Variants in PNPLA2 observed in about 807,000 individuals in gnomAD.
The protein encoded by PNPLA2 is patatin-like phospholipase domain-containing protein 2.
Under a neutral mutation model 39.7 loss-of-function variants are expected in PNPLA2, and 28 were observed. The ratio of observed to expected loss-of-function variants is 0.70; its 90% CI spans 0.52 to 0.97. PNPLA2 has a LOEUF of 0.97. Among genes scored for constraint, PNPLA2 ranks in the 50% least tolerant of loss-of-function variants. The pLI is 0.00. For missense variants in PNPLA2, 768 were observed against 698.2 expected (o/e 1.10, Z -1.13); for synonymous variants, 392 against 321.1 (o/e 1.22, Z -2.36).
rs755173977 is a variant in PNPLA2 at position 822,435 on chromosome 11, C to G, written c.525C>G (p.Leu175=). ...VDGGISDNLP[L]YELKNTITVS... ...GTGGCATTTCAGACAACCTGCCACT[C>G]TATGAGCTTAAGAACACCATCACAG... The change falls in exon 5 of 10, where the codon CTC becomes CTG. Residue 175 remains leucine, a synonymous_variant. Transcript: ENST00000336615. 2 of 1,613,994 alleles carry G rather than the reference C, an allele frequency of 1.2e-6. No individual in the cohort carries two copies. The highest frequency in any genetic ancestry group is 8.5e-7 in the Non-Finnish European group (1 of 1,180,026).
intron 2 of PNPLA2, 83 bp from the exon 3 acceptor site, chr11:821,545 A>T: frequency 1.0e-6 from 1 of 983,568 alleles, no homozygotes; most frequent in Non-Finnish European, 1.6e-6. Context: ...TATGCCATGG[A>T]ACCCTGGACA....
At chr11:821,894 G>A (rs147573735) in intron 3 of PNPLA2, 34 bp downstream of exon 3, 2 of 1,601,868 alleles carry the variant, frequency 1.2e-6, no homozygotes, top group Non-Finnish European at 1.7e-6. Flanking sequence ...GGGTGGCGGT[G>A]GGGGGGGCAG....
In PNPLA2 at chr11:825,177, T is replaced by C. The variant is rs764660190; in HGVS notation, c.*315T>C. Reference sequence around the variant, plus strand: ...GCTGAAATATGTGTGTGAAGAATTATTTATTTTCGCCAAAGCACATGTAAT... The same window carrying C: ...GCTGAAATATGTGTGTGAAGAATTACTTATTTTCGCCAAAGCACATGTAAT... On this transcript the variant is annotated 3_prime_UTR_variant, in exon 10 of 10. Transcript: ENST00000336615. 18 of 497,858 alleles carry C rather than the reference T, an allele frequency of 3.6e-5. No homozygotes were observed. Among genetic ancestry groups the C allele is most frequent in the Non-Finnish European group, 6.1e-5 (17 of 276,990 alleles). 30.8% of individuals were successfully genotyped at this position (497,858 alleles called of 1,614,324 possible).
Position 822,033 on chromosome 11 carries a change from C to T in PNPLA2, c.486+10C>T, listed in dbSNP as rs1167858885. ...CTCCCTCCAGGGGGTGGTGAGTATT[C>T]CTAGCCCTGGACACCTTCTATGGGG... On this transcript the variant is annotated intron_variant, in intron 4 of 9. Coordinates refer to ENST00000336615, the MANE Select transcript of PNPLA2 (RefSeq NM_020376.4). 3 of 1,612,646 alleles carry T rather than the reference C, an allele frequency of 1.9e-6. No homozygotes were observed. The highest frequency in any genetic ancestry group is 1.7e-6 in the Non-Finnish European group (2 of 1,179,116).
At position 823,738 on chromosome 11, in the gene PNPLA2, C is replaced by T. The variant is rs1215383316; in HGVS notation, c.802C>T (p.Arg268Cys). Residue 268 changes from arginine (R) to cysteine (C), a missense_variant, in exon 7 of 10, where the codon CGC becomes TGC. By Grantham distance (180) the Arg-to-Cys change is radical (BLOSUM62 -3). Transcript: ENST00000336615. ...PNPLLALPPA[R>C]PHGPEDKDQA... Reference sequence around the variant, plus strand: ...CCCCTTGCTGGCGTTGCCCCCCGCCCGCCCCCACGGCCCAGAGGACAAGGA... The same window carrying T: ...CCCCTTGCTGGCGTTGCCCCCCGCCTGCCCCCACGGCCCAGAGGACAAGGA... 1.9e-6 allele frequency: 3 copies of T among 1,606,524 alleles called. No homozygotes were observed. The highest frequency in any genetic ancestry group is 2.2e-5 in the East Asian group (1 of 44,678).
Sources: allele counts gnomAD v4.1 joint callset, GRCh38; gene constraint gnomAD v4.1.1; transcripts MANE v1.5; gene names NCBI Gene and HGNC (gene_info 2026-07-23, HGNC 2026-07-21).